The following LYPLA1 variants were observed in gnomAD, a reference collection of about 807,000 sequenced individuals.
LYPLA1 encodes the protein acyl-protein thioesterase 1.
Under a neutral mutation model 34.0 loss-of-function variants are expected in LYPLA1, and 17 were observed. That is an observed-to-expected ratio of 0.50 (90% CI 0.34 to 0.75). LYPLA1 has a LOEUF of 0.75. LYPLA1 is among the 30% of genes least tolerant of loss of function. The pLI, the probability that LYPLA1 is intolerant of heterozygous loss-of-function variation, is 0.01. For synonymous variants in LYPLA1, 98 were observed against 100.8 expected (o/e 0.97, Z 0.17); for missense variants, 203 against 288.8 (o/e 0.70, Z 2.15).
chr8:54,063,464 G>T, intron 3 of LYPLA1, 89 bp from the exon 4 acceptor site: 1 of 803,750 alleles, frequency 1.2e-6, no homozygotes, highest in Non-Finnish European at 2.0e-6. Context: ...AATTGCTTGA[G>T]ACCTACACAA....
intron 2 of LYPLA1, among the ~76,000 whole-genome samples, chr8:54,093,092 G>C (rs1809429074): frequency 1.3e-5 from 2 of 152,172 alleles, no homozygotes; most frequent in South Asian, 4.1e-4. Flanking sequence ...CCAGAAGTAG[G>C]GTTGATATAA....
At chr8:54,076,916 C>G (rs919057381) in intron 2 of LYPLA1, among the ~76,000 whole-genome samples, 1 of 152,128 alleles carries the variant, frequency 6.6e-6, no homozygotes, top group African/African-American at 2.4e-5. Context: ...TGTGAGACCC[C>G]TGATTTCCCA....
At chr8:54,084,258 A>G (rs1808541948) in intron 2 of LYPLA1, among the ~76,000 whole-genome samples, 1 of 150,020 alleles carries the variant, frequency 6.7e-6, no homozygotes, top group African/African-American at 2.5e-5. Flanking sequence ...GAAGAAAATA[A>G]TAAAAACTAG....
At chr8:54,073,347 C>T in intron 2 of LYPLA1, 1 of 825,548 alleles carries the variant, frequency 1.2e-6, no homozygotes, top group Non-Finnish European at 2.2e-6. Flanking sequence ...GCAAAGAGAA[C>T]TGTGGGTCTG....
At chr8:54,081,977 G>A (rs1044087760) in intron 2 of LYPLA1, among the ~76,000 whole-genome samples, 14 of 151,852 alleles carry the variant, frequency 9.2e-5, no homozygotes, top group Non-Finnish European at 1.3e-4. Context: ...TGATCCGCCC[G>A]CCTCCACCTC....
chr8:54,080,920 G>C (rs1808269027), intron 2 of LYPLA1, among the ~76,000 whole-genome samples: 2 of 152,168 alleles, frequency 1.3e-5, no homozygotes, highest in African/African-American at 4.8e-5. Flanking sequence ...TTTTAGAATT[G>C]TTATTAATAC....
intron 2 of LYPLA1, among the ~76,000 whole-genome samples, chr8:54,076,360 G>A (rs1045307440): frequency 9.9e-5 from 15 of 152,160 alleles, no homozygotes; most frequent in African/African-American, 3.6e-4. Context: ...AAAACACTTG[G>A]AAGCTCTGTG....
chr8:54,068,219 G>C (rs1807220272), intron 2 of LYPLA1, among the ~76,000 whole-genome samples: 1 of 152,184 alleles, frequency 6.6e-6, no homozygotes, highest in South Asian at 2.1e-4. Context: ...AGAAATACAA[G>C]AAAATCTATA....
chr8:54,070,682 C>G (rs1048869660), intron 2 of LYPLA1, among the ~76,000 whole-genome samples: 1 of 152,152 alleles, frequency 6.6e-6, no homozygotes, highest in Non-Finnish European at 1.5e-5. Flanking sequence ...GAGATCACAC[C>G]ACTGTACTCC....
intron 5 of LYPLA1, among the ~76,000 whole-genome samples, chr8:54,057,864 C>A (rs1806325425): frequency 6.6e-6 from 1 of 152,120 alleles, no homozygotes; most frequent in Non-Finnish European, 1.5e-5. Context: ...ACCCCATTCT[C>A]CATGATGTGC....
At chr8:54,052,065 G>A (rs753196992) in intron 7 of LYPLA1, among the ~76,000 whole-genome samples, 1 of 150,820 alleles carries the variant, frequency 6.6e-6, no homozygotes, top group Non-Finnish European at 1.5e-5. Context: ...TGGCCAGGCT[G>A]GTCTTGAACT....
intron 5 of LYPLA1, among the ~76,000 whole-genome samples, chr8:54,061,563 C>A (rs1395853084): frequency 6.6e-6 from 1 of 152,076 alleles, no homozygotes; most frequent in Non-Finnish European, 1.5e-5. Context: ...AACAGAGTGA[C>A]CAGAAAGGAA....
intron 2 of LYPLA1, among the ~76,000 whole-genome samples, chr8:54,070,430 T>C (rs1409888122): frequency 6.6e-6 from 1 of 151,992 alleles, no homozygotes; most frequent in Non-Finnish European, 1.5e-5. Context: ...GATGGATGAA[T>C]AAACAAAATG....
intron 2 of LYPLA1, among the ~76,000 whole-genome samples, chr8:54,076,931 A>G (rs1434172729): frequency 6.6e-6 from 1 of 152,072 alleles, no homozygotes; most frequent in Non-Finnish European, 1.5e-5. Flanking sequence ...TTCCCACTTC[A>G]CACCTCTATA....
At chr8:54,092,920 C>G (rs1053171861) in intron 2 of LYPLA1, among the ~76,000 whole-genome samples, 1 of 152,156 alleles carries the variant, frequency 6.6e-6, no homozygotes, top group Non-Finnish European at 1.5e-5. Flanking sequence ...GGGTGTAGAA[C>G]AGAGATTCTG....
intron 2 of LYPLA1, among the ~76,000 whole-genome samples, chr8:54,095,194 G>A (rs967209093): frequency 5.3e-5 from 8 of 152,010 alleles, no homozygotes; most frequent in Non-Finnish European, 8.8e-5. Flanking sequence ...ACGAGGTTTC[G>A]TCATGTTGGC....
chr8:54,071,679 G>T (rs1328239601), intron 2 of LYPLA1, among the ~76,000 whole-genome samples: 1 of 152,124 alleles, frequency 6.6e-6, no homozygotes, highest in Non-Finnish European at 1.5e-5. Context: ...AGCTAACCAG[G>T]GAGGTGAAAG....
intron 1 of LYPLA1, chr8:54,101,542 G>A (rs1289271530): frequency 1.7e-6 from 2 of 1,144,944 alleles, no homozygotes; most frequent in Non-Finnish European, 2.1e-6. Context: ...ATGCAGGGAG[G>A]AGCTGGGGAC....
chr8:54,048,659 T>C (rs540983003), intron 8 of LYPLA1, among the ~76,000 whole-genome samples: 200 of 152,330 alleles, frequency 1.3e-3, no homozygotes, highest in African/African-American at 4.5e-3. Flanking sequence ...TCTTAGCCTC[T>C]TGCATTTGGC....
Sources: gnomAD v4.1 joint callset for allele counts (sites outside exome capture counted in the v4.1 genomes callset) on GRCh38, gnomAD v4.1.1 for gene constraint, MANE v1.5 for transcripts, NCBI Gene and HGNC (gene_info 2026-07-23, HGNC 2026-07-21) for gene names.